CLNK: variants seen among roughly 807,000 people sequenced by gnomAD.
CLNK encodes the protein cytokine dependent hematopoietic cell linker, also known as cytokine-dependent hematopoietic cell linker.
CLNK carries 74 observed loss-of-function variants against 68.6 expected under a neutral mutation model. The observed-to-expected ratio is 1.08, with a 90% CI of 0.89 to 1.31. The LOEUF (loss-of-function observed/expected upper bound fraction) is 1.31. CLNK is among the 50% of genes most tolerant of loss of function. CLNK has a pLI of 0.00. For synonymous variants in CLNK, 198 were observed against 172.2 expected (o/e 1.15, Z -1.17); for missense variants, 553 against 515.3 (o/e 1.07, Z -0.71).
the CLNK span, among the ~76,000 whole-genome samples, chr4:10,724,178 A>G: frequency 6.6e-6 from 1 of 152,170 alleles, no homozygotes; most frequent in Non-Finnish European, 1.5e-5. Flanking sequence ...ACATTATACA[A>G]ATATAATGTA....
intron 4 of CLNK, among the ~76,000 whole-genome samples, chr4:10,573,619 A>G (rs753385004): frequency 1.4e-4 from 21 of 152,184 alleles, no homozygotes; most frequent in Admixed American, 1.4e-3. Flanking sequence ...ATTATTGGGG[A>G]TCTGCTCTGG....
At chr4:10,547,938 G>A (rs995990754) in intron 8 of CLNK, among the ~76,000 whole-genome samples, 4 of 152,038 alleles carry the variant, frequency 2.6e-5, no homozygotes, top group Non-Finnish European at 5.9e-5. Context: ...TGTGAATAAT[G>A]CTGCCATGAA....
At chr4:10,582,895 A>G (rs16870175) in intron 4 of CLNK, among the ~76,000 whole-genome samples, 1,582 of 152,288 alleles carry the variant, frequency 0.01, 38 homozygotes, top group African/African-American at 0.037. Flanking sequence ...CTCACATCAT[A>G]GATATATAGC....
At chr4:10,601,551 T>G (rs1721591367) in intron 2 of CLNK, among the ~76,000 whole-genome samples, 1 of 152,136 alleles carries the variant, frequency 6.6e-6, no homozygotes, top group African/African-American at 2.4e-5. Flanking sequence ...ATTTATAAAC[T>G]CTCAACACAT....
chr4:10,673,506 A>T (rs1251201407), intron 1 of CLNK, among the ~76,000 whole-genome samples: 1 of 152,202 alleles, frequency 6.6e-6, no homozygotes, highest in South Asian at 2.1e-4. Context: ...GGATGAGTTC[A>T]TGTCCTTTAC....
At chr4:10,621,678 C>T (rs531269004) in intron 2 of CLNK, among the ~76,000 whole-genome samples, 1 of 152,336 alleles carries the variant, frequency 6.6e-6, no homozygotes, top group African/African-American at 2.4e-5. Flanking sequence ...ACATTAGGAA[C>T]ATACTGTCAA....
At chr4:10,714,623 A>T in the CLNK span, among the ~76,000 whole-genome samples, 1 of 152,106 alleles carries the variant, frequency 6.6e-6, no homozygotes, top group Non-Finnish European at 1.5e-5. Flanking sequence ...GCTGGTATAT[A>T]TATTCTGTGG....
intron 15 of CLNK, 146 bp downstream of exon 15, chr4:10,520,645 T>G (rs2109046638): frequency 1.7e-6 from 1 of 588,772 alleles, no homozygotes; most frequent in Admixed American, 2.9e-5. Context: ...AAAATTATTG[T>G]CATAGTAACG....
chr4:10,586,822 C>T (rs570881422), intron 3 of CLNK, among the ~76,000 whole-genome samples: 1 of 152,316 alleles, frequency 6.6e-6, no homozygotes, highest in Non-Finnish European at 1.5e-5. Context: ...AGTTTGCCTA[C>T]ATGGCACTTG....
chr4:10,660,205 A>G (rs982283332), intron 2 of CLNK, among the ~76,000 whole-genome samples: 3 of 152,148 alleles, frequency 2.0e-5, no homozygotes, highest in Non-Finnish European at 4.4e-5. Flanking sequence ...GCCTCTTAAT[A>G]TTTGGGCATG....
intron 4 of CLNK, among the ~76,000 whole-genome samples, chr4:10,574,317 C>T (rs1347618599): frequency 6.6e-6 from 1 of 152,176 alleles, no homozygotes; most frequent in Non-Finnish European, 1.5e-5. Flanking sequence ...CTTGAACTCT[C>T]TTCTCTGTGA....
At chr4:10,714,927 C>T in the CLNK span, among the ~76,000 whole-genome samples, 8 of 152,108 alleles carry the variant, frequency 5.3e-5, no homozygotes, top group South Asian at 6.2e-4. Flanking sequence ...CAGCATTTTG[C>T]TTTTAATGTA....
chr4:10,493,187 A>C (rs570910911), intron 18 of CLNK, among the ~76,000 whole-genome samples: 1 of 152,168 alleles, frequency 6.6e-6, no homozygotes, highest in South Asian at 2.1e-4. Flanking sequence ...GCATGGTGGC[A>C]TGTGCCTGTA....
In CLNK at chr4:10,486,683, C is replaced by T. The variant is rs1361388081; in HGVS notation, c.*3784G>A. 1 of 152,146 alleles carries T rather than the reference C, an allele frequency of 6.6e-6. No homozygotes were observed. The highest frequency in any genetic ancestry group is 1.5e-5 in the Non-Finnish European group (1 of 68,044). 9.4% of individuals were successfully genotyped at this position (152,146 alleles called of 1,614,324 possible). ...AAAAACACACACACACACACGCACACAGGCACAGGCACACACATGCACACC... is the reference window on the plus strand; with the variant it reads ...AAAAACACACACACACACACGCACATAGGCACAGGCACACACATGCACACC... On this transcript the variant is annotated 3_prime_UTR_variant, in exon 19 of 19. Transcript: ENST00000226951.
At chr4:10,719,744 C>T in the CLNK span, among the ~76,000 whole-genome samples, 2 of 152,086 alleles carry the variant, frequency 1.3e-5, no homozygotes, top group Non-Finnish European at 2.9e-5. Context: ...GTAGAATACT[C>T]CATCCGATGA....
intron 2 of CLNK, among the ~76,000 whole-genome samples, chr4:10,650,501 C>G (rs1723684414): frequency 1.3e-5 from 2 of 151,934 alleles, no homozygotes; most frequent in African/African-American, 4.8e-5. Context: ...TTAAAAGCAT[C>G]CAGAGAGAAA....
intron 11 of CLNK, among the ~76,000 whole-genome samples, chr4:10,537,710 T>TTG (rs1472351077): frequency 4.0e-5 from 2 of 49,630 alleles, no homozygotes; most frequent in African/African-American, 1.9e-4. Flanking sequence ...TTCCTTCCTT[T>TTG]CTTTCTTTCT....
At chr4:10,554,911 T>C (rs1719603895) in intron 8 of CLNK, among the ~76,000 whole-genome samples, 5 of 152,224 alleles carry the variant, frequency 3.3e-5, no homozygotes, top group Non-Finnish European at 1.5e-5. Flanking sequence ...GAATACATTT[T>C]ATACACTAGC....
intron 11 of CLNK, among the ~76,000 whole-genome samples, chr4:10,535,931 C>T (rs1718744675): frequency 6.6e-6 from 1 of 152,190 alleles, no homozygotes; most frequent in South Asian, 2.1e-4. Context: ...GTCCAACCAA[C>T]ATTCTCCAAA....
Sources: allele counts gnomAD v4.1 joint callset (sites outside exome capture counted in the v4.1 genomes callset), GRCh38; gene constraint gnomAD v4.1.1; transcripts MANE v1.5; gene names NCBI Gene and HGNC (gene_info 2026-07-23, HGNC 2026-07-21).